RFLNA: variants seen among roughly 807,000 people sequenced by gnomAD.
RFLNA encodes the protein refilin-A.
Under a neutral mutation model 7.8 loss-of-function variants are expected in RFLNA, and 5 were observed. The ratio of observed to expected loss-of-function variants is 0.64; its 90% CI spans 0.34 to 1.35. The LOEUF (loss-of-function observed/expected upper bound fraction) is 1.35. RFLNA is among the 40% of genes most tolerant of loss of function. The pLI is 0.04. For synonymous variants in RFLNA, 141 were observed against 131.3 expected (o/e 1.07, Z -0.50); for missense variants, 278 against 305.5 (o/e 0.91, Z 0.67).
intron 1 of RFLNA, among the ~76,000 whole-genome samples, chr12:124,308,850 C>G (rs996020916): frequency 6.6e-6 from 1 of 152,252 alleles, no homozygotes; most frequent in Non-Finnish European, 1.5e-5. Context: ...GGAACCTCAC[C>G]CACAGCCTGC....
At chr12:124,307,685 C>T (rs1261644964) in intron 1 of RFLNA, among the ~76,000 whole-genome samples, 1 of 152,294 alleles carries the variant, frequency 6.6e-6, no homozygotes, top group East Asian at 1.9e-4. Context: ...GCGGCGCAGG[C>T]CCCAGGGTTC....
rs373498775 is a variant in RFLNA at position 124,311,960 on chromosome 12, G to A, written c.317+33G>A. The A allele has an allele frequency of 7.8e-5, 118 of 1,511,284 alleles. No individual in the cohort carries two copies. The African/African-American group carries it at 1.2e-3, about 15-fold the overall frequency. The allele number at this position is 1,511,284 out of a possible 1,614,324, so 93.6% of individuals were successfully genotyped here. ...GGCCACTGGGCTCTGCGCGGGAGGA[G>A]GGGGTGGGGGGTTGGGTGCTGGTCC... On this transcript the variant is annotated intron_variant, in intron 2 of 2. Coordinates refer to ENST00000546355, the MANE Select transcript of RFLNA (RefSeq NM_001365156.1).
chr12:124,306,758 G>A lies in RFLNA; in HGVS notation c.208-5060G>A, dbSNP rs1299371155. On this transcript the variant is annotated intron_variant, in intron 1 of 2. Coordinates refer to ENST00000546355, the MANE Select transcript of RFLNA (RefSeq NM_001365156.1). This position sits in a 1 kb window ranked among gnomAD's most constrained non-coding sequence, Gnocchi z 5.2. Reference sequence around the variant, plus strand: ...CAGAATGGTGCCCGGCACAGTGAGAGTGCAAAAAGCTCTGCATCCTCATTG... The same window carrying A: ...CAGAATGGTGCCCGGCACAGTGAGAATGCAAAAAGCTCTGCATCCTCATTG... 1.3e-5 allele frequency among the ~76,000 whole-genome samples: 2 copies of A among 152,172 alleles called. No homozygotes were observed. Among genetic ancestry groups the A allele is most frequent in the Non-Finnish European group, 2.9e-5 (2 of 68,016 alleles).
At chr12:124,299,190 G>A (rs909992728) in intron 1 of RFLNA, among the ~76,000 whole-genome samples, 8 of 152,228 alleles carry the variant, frequency 5.3e-5, no homozygotes, top group African/African-American at 9.6e-5. Context: ...GTGCCCGTGC[G>A]GGACGCAGAA....
upstream of RFLNA, among the ~76,000 whole-genome samples, chr12:124,294,732 A>G (rs938944358): frequency 6.6e-6 from 1 of 152,278 alleles, no homozygotes; most frequent in Non-Finnish European, 1.5e-5. Context: ...TGTAAGTTAC[A>G]GAGAAAAAGA....
At position 124,314,465 on chromosome 12, in the gene RFLNA, C is replaced by CT; in HGVS notation, c.591_592insT (p.Val198CysfsTer45). ...GGCCCAGCCGCTGGTTCACCGCCAG[C>CT]GTGCAGCTGCAGCTTTGCCAGGACC... On this transcript the variant is annotated frameshift_variant, in exon 3 of 3. Coordinates refer to ENST00000546355, the MANE Select transcript of RFLNA (RefSeq NM_001365156.1). LOFTEE classifies it low-confidence loss of function (END_TRUNC). The CT allele has an allele frequency of 6.3e-7, 1 of 1,599,534 alleles. No individual in the cohort carries two copies. Among genetic ancestry groups the CT allele is most frequent in the Non-Finnish European group, 8.5e-7 (1 of 1,179,412 alleles).
upstream of RFLNA, among the ~76,000 whole-genome samples, chr12:124,294,124 A>G (rs2033863457): frequency 6.6e-6 from 1 of 152,110 alleles, no homozygotes. Flanking sequence ...AACATCTTCA[A>G]AGTGCTGCCC....
chr12:124,308,849 C>T (rs2034184006), intron 1 of RFLNA, among the ~76,000 whole-genome samples: 1 of 152,224 alleles, frequency 6.6e-6, no homozygotes, highest in African/African-American at 2.4e-5. Context: ...TGGAACCTCA[C>T]CCACAGCCTG....
chr12:124,303,481 C>T (rs2034082539), intron 1 of RFLNA, among the ~76,000 whole-genome samples: 1 of 152,222 alleles, frequency 6.6e-6, no homozygotes, highest in Non-Finnish European at 1.5e-5. Flanking sequence ...CCCCAGGCCA[C>T]AGCAGGCTTG....
At position 124,301,682 on chromosome 12, in the gene RFLNA, G is replaced by A. The variant is rs562640250; in HGVS notation, c.207+6046G>A. Among the ~76,000 whole-genome samples the A allele has an allele frequency of 9.5e-4, 145 of 152,270 alleles. 1 individual carries two copies. Among genetic ancestry groups the A allele is most frequent in the African/African-American group, 3.1e-3 (127 of 41,538 alleles). ...ATGGGTGTCCCCTATCTGGGAGGCC[G>A]CCTGGCAGTTGTGAGTGGTTGAGAA... On this transcript the variant is annotated intron_variant, in intron 1 of 2. Transcript: ENST00000546355.
chr12:124,311,795 C>G (rs1396204409), intron 1 of RFLNA, 23 bp from the exon 2 acceptor site: 7 of 1,545,850 alleles, frequency 4.5e-6, no homozygotes, highest in Non-Finnish European at 6.1e-6. Context: ...TGCATAACCC[C>G]GTGTCCCTGG....
At chr12:124,313,586 A>G (rs567327987) in intron 2 of RFLNA, among the ~76,000 whole-genome samples, 9 of 152,066 alleles carry the variant, frequency 5.9e-5, no homozygotes, top group South Asian at 4.2e-4. Context: ...GGCTGAGGCA[A>G]GAGAATGGCG....
chr12:124,314,686 C>A lies in RFLNA; in HGVS notation c.*161C>A. 2 of 1,163,204 alleles carry A rather than the reference C, an allele frequency of 1.7e-6. No individual in the cohort carries two copies. The highest frequency in any genetic ancestry group is 1.2e-6 in the Non-Finnish European group (1 of 806,992). 72.1% of individuals were successfully genotyped at this position (1,163,204 alleles called of 1,614,324 possible). Reference sequence around the variant, plus strand: ...GAAGGAGGCGGCTCCCCGCTGCCTGCCCTGACCTACAGGCTAGGTGGTGGT... The same window carrying A: ...GAAGGAGGCGGCTCCCCGCTGCCTGACCTGACCTACAGGCTAGGTGGTGGT... On this transcript the variant is annotated 3_prime_UTR_variant, in exon 3 of 3. Coordinates refer to ENST00000546355, the MANE Select transcript of RFLNA (RefSeq NM_001365156.1).
At position 124,290,024 on chromosome 12, in the gene RFLNA, C is replaced by T. The variant is rs967059711; in HGVS notation, c.-37+654C>T. On this transcript the variant is annotated intron_variant, in intron 1 of 2. Transcript: ENST00000324038. The surrounding 1 kb of genome is among the most constrained non-coding windows in gnomAD (Gnocchi z 4.0). ...AAGCCACTCTTCTTGCCTCTGTTCT[C>T]GCCGCCCCTTTGAACTCCTCCACTT... Among the ~76,000 whole-genome samples, 6 of 152,200 alleles carry T rather than the reference C, an allele frequency of 3.9e-5. No homozygotes were observed. The highest frequency in any genetic ancestry group is 3.3e-4 in the Admixed American group (5 of 15,284).
intron 1 of RFLNA, among the ~76,000 whole-genome samples, chr12:124,300,116 G>T (rs760823274): frequency 7.2e-5 from 11 of 152,208 alleles, no homozygotes; most frequent in Non-Finnish European, 1.3e-4. Flanking sequence ...GGCAAGCAAA[G>T]GACTCAGCCT....
chr12:124,311,846 C>T lies in RFLNA; in HGVS notation c.236C>T (p.Ala79Val), dbSNP rs753019779. Reference protein sequence around the residue: ...APPSQLPNPPASEMRPRMLPV... With the variant: ...APPSQLPNPPVSEMRPRMLPV... Reference sequence around the variant, plus strand: ...CCCTCCCAACTCCCAAATCCCCCGGCGTCGGAGATGAGGCCCCGGATGCTG... The same window carrying T: ...CCCTCCCAACTCCCAAATCCCCCGGTGTCGGAGATGAGGCCCCGGATGCTG... Residue 79 changes from alanine (A) to valine (V), a missense_variant, in exon 2 of 3, where the codon GCG becomes GTG. Ala to Val is a moderately conservative substitution (Grantham distance 64). Transcript: ENST00000546355. 9 of 1,598,922 alleles carry T rather than the reference C, an allele frequency of 5.6e-6. No individual in the cohort carries two copies. Among genetic ancestry groups the T allele is most frequent in the African/African-American group, 2.7e-5 (2 of 73,700 alleles).
Position 124,314,205 on chromosome 12 carries a change from G to A in RFLNA, c.331G>A (p.Val111Ile). The A allele has an allele frequency of 6.2e-7, 1 of 1,611,798 alleles. No homozygotes were observed. The highest frequency in any genetic ancestry group is 8.5e-7 in the Non-Finnish European group (1 of 1,178,708). Residue 111 changes from valine (V) to isoleucine (I), a missense_variant, in exon 3 of 3, where the codon GTC becomes ATC. Transcript: ENST00000546355. ...PTHEIRCNSE[V>I]KYASEKHFQD... ...TGCCCTTTCCAGCTGCAACTCTGAG[G>A]TCAAGTACGCCTCGGAGAAGCATTT...
In RFLNA at chr12:124,315,930, C is replaced by G. The variant is rs1181070042; in HGVS notation, c.*1405C>G. The G allele has an allele frequency of 6.6e-6, 1 of 152,266 alleles. No homozygotes were observed. Among genetic ancestry groups the G allele is most frequent in the Non-Finnish European group, 1.5e-5 (1 of 68,048 alleles). The allele number at this position is 152,266 out of a possible 1,614,324, so 9.4% of individuals were successfully genotyped here. ...ACTGATGTATTTTTATGTATCTACACAGAGAGTGCATTTTCTCTCCAGAGA... is the reference window on the plus strand; with the variant it reads ...ACTGATGTATTTTTATGTATCTACAGAGAGAGTGCATTTTCTCTCCAGAGA... On this transcript the variant is annotated 3_prime_UTR_variant, in exon 3 of 3. Transcript: ENST00000546355.
upstream of RFLNA, among the ~76,000 whole-genome samples, chr12:124,294,645 C>T (rs2033873088): frequency 6.6e-6 from 1 of 152,216 alleles, no homozygotes; most frequent in Non-Finnish European, 1.5e-5. Context: ...ACCCTTAAGG[C>T]CCAAAGAGCT....
Sources: allele counts gnomAD v4.1 joint callset (sites outside exome capture counted in the v4.1 genomes callset), GRCh38; gene constraint gnomAD v4.1.1; non-coding constraint Gnocchi (gnomAD v3.1); transcripts MANE v1.5; gene names NCBI Gene and HGNC (gene_info 2026-07-23, HGNC 2026-07-21).